The following PDLIM5 variants were observed in gnomAD, a reference collection of about 807,000 sequenced individuals.
PDLIM5 encodes the protein PDZ and LIM domain 5.
A neutral mutation model predicts 64.2 loss-of-function variants in PDLIM5; 34 were observed. The ratio of observed to expected loss-of-function variants is 0.53; its 90% CI spans 0.40 to 0.71. PDLIM5 has a LOEUF of 0.71. Among genes scored for constraint, PDLIM5 ranks in the 30% least tolerant of loss-of-function variants. The pLI, the probability that PDLIM5 is intolerant of heterozygous loss-of-function variation, is 0.00. For missense variants in PDLIM5, 683 were observed against 733.6 expected (o/e 0.93, Z 0.80); for synonymous variants, 253 against 269.1 (o/e 0.94, Z 0.59).
intron 7 of PDLIM5, among the ~76,000 whole-genome samples, chr4:94,610,570 G>A (rs1391546202): frequency 6.6e-6 from 1 of 152,046 alleles, no homozygotes; most frequent in African/African-American, 2.4e-5. Flanking sequence ...CATGTTGTGT[G>A]CTTATTGTCA....
intron 2 of PDLIM5, among the ~76,000 whole-genome samples, chr4:94,467,803 G>T (rs950357448): frequency 6.6e-6 from 1 of 152,106 alleles, no homozygotes. Context: ...TTTCTTTAGT[G>T]CCCTGCACAA....
At chr4:94,568,128 C>T (rs12331549) in intron 3 of PDLIM5, among the ~76,000 whole-genome samples, 4,552 of 152,274 alleles carry the variant, frequency 0.03, 140 homozygotes, top group South Asian at 0.08. Context: ...CGTACTAGAA[C>T]GTTTGGTATA....
At chr4:94,537,709 A>C (rs1338148984) in intron 3 of PDLIM5, among the ~76,000 whole-genome samples, 2 of 152,154 alleles carry the variant, frequency 1.3e-5, no homozygotes, top group East Asian at 3.9e-4. Flanking sequence ...TAGTCGTGTA[A>C]TCTTAATAGC....
rs116376315 is a variant in PDLIM5, at chr4:94,464,776, A to T, written c.96+9392A>T. Among the ~76,000 whole-genome samples, 518 of 152,100 alleles carry T rather than the reference A, an allele frequency of 3.4e-3. 4 individuals carry two copies. The highest frequency in any genetic ancestry group is 5.8e-3 in the Non-Finnish European group (395 of 67,964). ...AGACGTTTCTGTTTTGTTTAAATGTACCTCTGTCTATTCTGGAAGATTCTG... is the reference window on the plus strand; with the variant it reads ...AGACGTTTCTGTTTTGTTTAAATGTTCCTCTGTCTATTCTGGAAGATTCTG... On this transcript the variant is annotated intron_variant, in intron 2 of 12. Transcript: ENST00000317968.
chr4:94,506,944 T>C (rs1728446549), intron 2 of PDLIM5, among the ~76,000 whole-genome samples: 1 of 152,176 alleles, frequency 6.6e-6, no homozygotes, highest in Admixed American at 6.5e-5. Flanking sequence ...TTCATCTTTC[T>C]CCCACGCTGG....
chr4:94,616,676 G>C (rs1738810865), intron 7 of PDLIM5, among the ~76,000 whole-genome samples: 2 of 152,074 alleles, frequency 1.3e-5, no homozygotes, highest in Admixed American at 1.3e-4. Flanking sequence ...GTTTTTTATT[G>C]TATAGCGTGT....
intron 7 of PDLIM5, chr4:94,587,669 G>A: frequency 7.1e-6 from 7 of 982,400 alleles, no homozygotes; most frequent in South Asian, 9.4e-5. Flanking sequence ...TGAAGAGGAG[G>A]AGGTCCAGAT....
intron 11 of PDLIM5, among the ~76,000 whole-genome samples, chr4:94,658,649 G>A (rs11097433): frequency 0.57 from 86,296 of 152,034 alleles, 24,685 homozygotes; most frequent in African/African-American, 0.59. Flanking sequence ...TTGAAGCTGT[G>A]TCATCATCAT....
chr4:94,548,630 A>G (rs1376230182), intron 3 of PDLIM5, among the ~76,000 whole-genome samples: 1 of 152,214 alleles, frequency 6.6e-6, no homozygotes, highest in African/African-American at 2.4e-5. Context: ...GAACCAAAAG[A>G]CATCAGATAT....
At chr4:94,544,813 G>A (rs1051880651) in intron 3 of PDLIM5, among the ~76,000 whole-genome samples, 1 of 152,160 alleles carries the variant, frequency 6.6e-6, no homozygotes, top group African/African-American at 2.4e-5. Context: ...GTACCACCAT[G>A]CCCGGCTAAT....
chr4:94,516,492 TAATA>T (rs1186030734), intron 2 of PDLIM5, among the ~76,000 whole-genome samples: 1 of 144,072 alleles, frequency 6.9e-6, no homozygotes, highest in African/African-American at 2.7e-5. Context: ...CAGAAAAAGG[TAATA>T]AATCCAAAGC....
At chr4:94,660,362 C>G (rs1742584727) in intron 11 of PDLIM5, among the ~76,000 whole-genome samples, 1 of 152,020 alleles carries the variant, frequency 6.6e-6, no homozygotes, top group African/African-American at 2.4e-5. Flanking sequence ...CTTGAATGTT[C>G]TTTGTCAGTT....
At chr4:94,586,918 A>G in intron 7 of PDLIM5, 1 of 1,325,374 alleles carries the variant, frequency 7.5e-7, no homozygotes, top group Non-Finnish European at 1.0e-6. Flanking sequence ...ATTAGTCTAG[A>G]ACCTTTTTCC....
Position 94,665,268 on chromosome 4 carries a change from G to A in PDLIM5, c.*1201G>A. ...GGAGGCCAAGACGGGCGGATCATGA[G>A]GTCAAGAGATCAAGATCATCCTGGC... On this transcript the variant is annotated 3_prime_UTR_variant, in exon 13 of 13. Coordinates refer to ENST00000317968, the MANE Select transcript of PDLIM5 (RefSeq NM_006457.5). 1 of 331,974 alleles carries A rather than the reference G, an allele frequency of 3.0e-6. No individual in the cohort carries two copies. Among genetic ancestry groups the A allele is most frequent in the Non-Finnish European group, 4.3e-6 (1 of 232,002 alleles). The allele number at this position is 331,974 out of a possible 1,614,324, so 20.6% of individuals were successfully genotyped here.
chr4:94,479,009 C>T (rs1200881566), intron 2 of PDLIM5, among the ~76,000 whole-genome samples: 2 of 150,468 alleles, frequency 1.3e-5, no homozygotes, highest in Non-Finnish European at 3.0e-5. Flanking sequence ...AAATGACCCT[C>T]CTGCCTCAGC....
At position 94,590,448 on chromosome 4, in the gene PDLIM5, T is replaced by C. The variant is rs563201374; in HGVS notation, c.920+4004T>C. 3.3e-5 allele frequency among the ~76,000 whole-genome samples: 5 copies of C among 152,342 alleles called. No homozygotes were observed. The South Asian group carries it at 1.0e-3, about 32-fold the overall frequency. On this transcript the variant is annotated intron_variant, in intron 7 of 12. Transcript: ENST00000317968. ...TTCTTTCAAATGCATAATTGCTGTATATGTAAATGCCAGGCACTAATCAAT... is the reference window on the plus strand; with the variant it reads ...TTCTTTCAAATGCATAATTGCTGTACATGTAAATGCCAGGCACTAATCAAT...
rs1385855052 is a variant in PDLIM5 at position 94,611,250 on chromosome 4, G to A, written c.921-6754G>A. On this transcript the variant is annotated intron_variant, in intron 7 of 12. Coordinates refer to ENST00000317968, the MANE Select transcript of PDLIM5 (RefSeq NM_006457.5). Reference sequence around the variant, plus strand: ...GTGGTGGTTCGCTGTTAAGCATACTGCTTTCTCTAACACTCCACCACTGTA... The same window carrying A: ...GTGGTGGTTCGCTGTTAAGCATACTACTTTCTCTAACACTCCACCACTGTA... 4.1e-6 allele frequency: 6 copies of A among 1,466,852 alleles called. No individual in the cohort carries two copies. The Admixed American group carries it at 1.2e-4, about 29-fold the overall frequency. The allele number at this position is 1,466,852 out of a possible 1,614,324, so 90.9% of individuals were successfully genotyped here.
rs539738299 is a variant in PDLIM5 at position 94,469,791 on chromosome 4, T to G, written c.96+14407T>G. Among the ~76,000 whole-genome samples the G allele has an allele frequency of 7.2e-5, 11 of 152,266 alleles. No homozygotes were observed. The East Asian group carries it at 2.1e-3, about 29-fold the overall frequency. On this transcript the variant is annotated intron_variant, in intron 2 of 12. Coordinates refer to ENST00000317968, the MANE Select transcript of PDLIM5 (RefSeq NM_006457.5). Reference sequence around the variant, plus strand: ...TCCAGGGCAAGAATTTAAAATTTTTTTTGAGCAAAGGAATAACTGTATAGC... The same window carrying G: ...TCCAGGGCAAGAATTTAAAATTTTTGTTGAGCAAAGGAATAACTGTATAGC...
intron 2 of PDLIM5, among the ~76,000 whole-genome samples, chr4:94,494,310 C>T (rs1445129314): frequency 6.6e-6 from 1 of 151,830 alleles, no homozygotes; most frequent in South Asian, 2.1e-4. Flanking sequence ...TGCATGTATA[C>T]CTTGAAATTT....
Sources: allele counts gnomAD v4.1 joint callset (sites outside exome capture counted in the v4.1 genomes callset), GRCh38; gene constraint gnomAD v4.1.1; transcripts MANE v1.5; gene names NCBI Gene and HGNC (gene_info 2026-07-23, HGNC 2026-07-21).